The following MAP4K3 variants were observed in gnomAD, a reference collection of about 807,000 sequenced individuals.
MAP4K3 encodes the protein mitogen-activated protein kinase kinase kinase kinase 3.
Under a neutral mutation model 143.5 loss-of-function variants are expected in MAP4K3, and 94 were observed. That is an observed-to-expected ratio of 0.65 (90% confidence interval 0.55 to 0.78). The LOEUF (loss-of-function observed/expected upper bound fraction) is 0.78. Among genes scored for constraint, MAP4K3 ranks in the 30% least tolerant of loss-of-function variants. The pLI is 0.00. For synonymous variants in MAP4K3, 416 were observed against 347.2 expected (o/e 1.20, Z -2.20); for missense variants, 1,077 against 1,068.1 (o/e 1.01, Z -0.12).
chr2:39,275,273 C>A (rs1447296680), intron 24 of MAP4K3, among the ~76,000 whole-genome samples: 1 of 152,044 alleles, frequency 6.6e-6, no homozygotes, highest in African/African-American at 2.4e-5. Flanking sequence ...CTGCTGGAGC[C>A]CAGAAGTTTG....
intron 23 of MAP4K3, among the ~76,000 whole-genome samples, chr2:39,279,930 G>A (rs1681443350): frequency 6.6e-6 from 1 of 152,052 alleles, no homozygotes; most frequent in South Asian, 2.1e-4. Context: ...TCTAGCCTGG[G>A]TGGCAGAGCA....
chr2:39,294,125 G>C (rs547302353), intron 16 of MAP4K3: 2 of 152,102 alleles, frequency 1.3e-5, no homozygotes, highest in Non-Finnish European at 2.9e-5. Flanking sequence ...TATACTACTG[G>C]GATAAAAGAG....
Position 39,334,887 on chromosome 2 carries a change from G to C in MAP4K3, c.415-1313C>G, listed in dbSNP as rs1051987871. ...TCAACAAATGATTCAAAGTCAGGTAGAAATAATTACTCTGAAGACACAGCA... is the reference window on the plus strand; with the variant it reads ...TCAACAAATGATTCAAAGTCAGGTACAAATAATTACTCTGAAGACACAGCA... On this transcript the variant is annotated intron_variant, in intron 6 of 33. Coordinates refer to ENST00000263881, the MANE Select transcript of MAP4K3 (RefSeq NM_003618.4). Among the ~76,000 whole-genome samples the C allele has an allele frequency of 7.0e-4, 107 of 152,128 alleles. 1 individual carries two copies. Among genetic ancestry groups the C allele is most frequent in the Non-Finnish European group, 7.6e-4 (52 of 68,030 alleles).
At chr2:39,424,625 T>G (rs1346063873) in intron 1 of MAP4K3, among the ~76,000 whole-genome samples, 3 of 147,428 alleles carry the variant, frequency 2.0e-5, no homozygotes, top group Non-Finnish European at 3.0e-5. Flanking sequence ...AGCCCAGGAG[T>G]TTGATACCAG....
At chr2:39,434,249 T>C (rs960123191) in intron 1 of MAP4K3, among the ~76,000 whole-genome samples, 10 of 152,216 alleles carry the variant, frequency 6.6e-5, no homozygotes, top group African/African-American at 2.4e-4. Context: ...TCTAGCACAA[T>C]TAATTTGTAT....
At chr2:39,343,570 TC>T in intron 3 of MAP4K3, 118 bp from the exon 4 acceptor site, 1 of 692,480 alleles carries the variant, frequency 1.4e-6, no homozygotes, top group Non-Finnish European at 2.5e-6. Context: ...CAATGTGTTA[TC>T]TTTAAAATAA....
intron 16 of MAP4K3, chr2:39,294,327 G>C (rs890053772): frequency 6.6e-6 from 1 of 152,246 alleles, no homozygotes; most frequent in Non-Finnish European, 1.5e-5. Context: ...AATTAGCCTA[G>C]ATTAACAACA....
chr2:39,292,971 C>A, intron 17 of MAP4K3, 145 bp from the exon 18 acceptor site: 1 of 751,368 alleles, frequency 1.3e-6, no homozygotes, highest in South Asian at 1.7e-5. Flanking sequence ...AGAATTAAAA[C>A]AAGGAACTGG....
rs529451593 is a variant in MAP4K3, at chr2:39,267,175, G to A, written c.2032+14C>T. On this transcript the variant is annotated intron_variant, in intron 27 of 33. Transcript: ENST00000263881. ...AGTCTCAGAGAGCTATATGCTATTG[G>A]ACAGTTTACTTACCAACACAACACT... 6 of 1,613,394 alleles carry A rather than the reference G, an allele frequency of 3.7e-6. No homozygotes were observed. The African/African-American group carries it at 6.7e-5, about 18-fold the overall frequency.
Position 39,282,505 on chromosome 2 carries a change from G to C in MAP4K3, c.1629+8C>G, listed in dbSNP as rs371079705. The C allele has an allele frequency of 7.5e-6, 12 of 1,607,688 alleles. No individual in the cohort carries two copies. The highest frequency in any genetic ancestry group is 1.3e-5 in the African/African-American group (1 of 74,700). ...TGAAACTTAGCCTACTCCATATTTA[G>C]TACTTACATGCACTTTAGGTGTTGG... On this transcript the variant is annotated splice_region_variant and intron_variant, in intron 22 of 33. Coordinates refer to ENST00000263881, the MANE Select transcript of MAP4K3 (RefSeq NM_003618.4).
intron 15 of MAP4K3, 91 bp downstream of exon 15, chr2:39,307,852 A>G: frequency 1.0e-6 from 1 of 978,306 alleles, no homozygotes; most frequent in Non-Finnish European, 1.4e-6. Context: ...CTTATAAAAC[A>G]ATGCTTTAAT....
intron 28 of MAP4K3, among the ~76,000 whole-genome samples, chr2:39,264,972 C>CT (rs1331013391): frequency 2.0e-5 from 3 of 152,170 alleles, no homozygotes; most frequent in Non-Finnish European, 4.4e-5. Context: ...ATGTGAGACA[C>CT]TATTTCCAGC....
intron 31 of MAP4K3, among the ~76,000 whole-genome samples, chr2:39,256,080 T>C (rs1365955087): frequency 1.3e-5 from 2 of 152,244 alleles, no homozygotes; most frequent in African/African-American, 2.4e-5. Flanking sequence ...TGTTACTTTA[T>C]TGCCTTTGTG....
At chr2:39,331,622 C>T (rs1683683057) in intron 8 of MAP4K3, among the ~76,000 whole-genome samples, 1 of 152,076 alleles carries the variant, frequency 6.6e-6, no homozygotes, top group African/African-American at 2.4e-5. Context: ...TGTGAAAATA[C>T]ATGAGAAATG....
chr2:39,288,376 A>C, intron 19 of MAP4K3, 96 bp from the exon 20 acceptor site: 1 of 1,076,578 alleles, frequency 9.3e-7, no homozygotes, highest in Non-Finnish European at 1.4e-6. Context: ...AATTATTTCT[A>C]CTATACATTA....
chr2:39,433,843 G>A (rs1435293666), intron 1 of MAP4K3, among the ~76,000 whole-genome samples: 1 of 151,638 alleles, frequency 6.6e-6, no homozygotes, highest in Admixed American at 6.6e-5. Context: ...ATATGCATTG[G>A]CCTGAAAAAA....
intron 1 of MAP4K3, among the ~76,000 whole-genome samples, chr2:39,401,004 A>G (rs1666939425): frequency 6.6e-6 from 1 of 152,144 alleles, no homozygotes; most frequent in African/African-American, 2.4e-5. Flanking sequence ...TGATTCCTTA[A>G]AAAAGAAAAA....
At chr2:39,391,216 G>A (rs556774309) in intron 1 of MAP4K3, among the ~76,000 whole-genome samples, 7 of 151,546 alleles carry the variant, frequency 4.6e-5, no homozygotes, top group African/African-American at 1.2e-4. Flanking sequence ...AAAATTAGCC[G>A]GGCGTGGTGG....
chr2:39,287,069 T>C (rs1005962281), intron 20 of MAP4K3, 105 bp from the exon 21 acceptor site: 30 of 596,040 alleles, frequency 5.0e-5, no homozygotes, highest in Non-Finnish European at 7.8e-5. Flanking sequence ...CATAGTGTCA[T>C]TATTCATTTG....
Sources: gnomAD v4.1 joint callset for allele counts (sites outside exome capture counted in the v4.1 genomes callset) on GRCh38, gnomAD v4.1.1 for gene constraint, MANE v1.5 for transcripts, NCBI Gene and HGNC (gene_info 2026-07-23, HGNC 2026-07-21) for gene names.